DFFB: variants seen among roughly 807,000 people sequenced by gnomAD.
DFFB encodes DNA fragmentation factor 40 kDa subunit.
A neutral mutation model predicts 32.7 loss-of-function variants in DFFB; 29 were observed. The ratio of observed to expected loss-of-function variants is 0.89; its 90% confidence interval spans 0.66 to 1.21. The LOEUF (loss-of-function observed/expected upper bound fraction) is 1.21. Ranked by LOEUF, DFFB falls within the 50% of genes most tolerant of loss-of-function variation. The probability of loss-of-function intolerance (pLI) is 0.00; values close to 1 mark genes in which losing one functional copy is unlikely to be tolerated. For synonymous variants in DFFB, 170 were observed against 177.1 expected, an observed-to-expected ratio of 0.96 and a Z score of 0.32; for missense variants, 398 against 440.6, an observed-to-expected ratio of 0.90 and a Z score of 0.87.
At chr1:3,859,264 A>G (rs1403065365) in intron 2 of DFFB, among the ~76,000 whole-genome samples, 2 of 150,952 alleles carry the variant, frequency 1.3e-5, no homozygotes, top group Non-Finnish European at 3.0e-5. Flanking sequence ...ATGCTCTCAC[A>G]TTGTTCTCGG....
chr1:3,864,476 G>A (rs572569098), intron 2 of DFFB, among the ~76,000 whole-genome samples: 1 of 152,178 alleles, frequency 6.6e-6, no homozygotes, highest in African/African-American at 2.4e-5. Context: ...GTGATGTCTC[G>A]TTGTGCCCTT....
chr1:3,866,191 T>G (rs1231798828), intron 3 of DFFB, 191 bp downstream of exon 3: 1 of 688,906 alleles, frequency 1.5e-6, no homozygotes, highest in Non-Finnish European at 2.6e-6. Flanking sequence ...CAGCAAGGAC[T>G]CAGGTGGGGC....
At chr1:3,878,750 C>A (rs561573825) in intron 6 of DFFB, among the ~76,000 whole-genome samples, 2 of 152,316 alleles carry the variant, frequency 1.3e-5, no homozygotes, top group Admixed American at 1.3e-4. Context: ...CGTGTCTCAC[C>A]TTATTTTAAT....
At chr1:3,877,111 G>A (rs551520088) in intron 6 of DFFB, among the ~76,000 whole-genome samples, 1 of 152,250 alleles carries the variant, frequency 6.6e-6, no homozygotes, top group Non-Finnish European at 1.5e-5. Flanking sequence ...GAGCCCTGCC[G>A]CTGGGGAACT....
At chr1:3,857,769 A>T in intron 1 of DFFB, 52 bp downstream of exon 1, 13 of 1,257,514 alleles carry the variant, frequency 1.0e-5, no homozygotes, top group Non-Finnish European at 1.4e-5. Context: ...TGTGGGGAGA[A>T]TAGGAGGTGC....
Position 3,869,659 on chromosome 1 carries a change from G to A in DFFB, c.565G>A (p.Val189Ile). The change falls in exon 5 of 7, where the codon GTC becomes ATC. Residue 189 changes from valine (V) to isoleucine (I), a missense_variant. Transcript: ENST00000378209. ...GAEAQEEFLRVLGSMCQRLRS... is the reference protein window; with the variant it reads ...GAEAQEEFLRILGSMCQRLRS... Reference sequence around the variant, plus strand: ...GGAGGCTCAGGAGGAATTCCTGCGGGTCCTCGGCTCCATGTGCCAGAGGCT... The same window carrying A: ...GGAGGCTCAGGAGGAATTCCTGCGGATCCTCGGCTCCATGTGCCAGAGGCT... The A allele has an allele frequency of 1.2e-6, 2 of 1,613,524 alleles. No individual in the cohort carries two copies. Among genetic ancestry groups the A allele is most frequent in the Non-Finnish European group, 1.7e-6 (2 of 1,179,832 alleles).
chr1:3,866,421 A>C, intron 3 of DFFB: 1 of 237,468 alleles, frequency 4.2e-6, no homozygotes, highest in Non-Finnish European at 8.6e-6. Flanking sequence ...ACGCCCTGCC[A>C]ATTTTTGTAT....
At chr1:3,867,652 A>G in intron 3 of DFFB, 1 of 270,984 alleles carries the variant, frequency 3.7e-6, no homozygotes, top group Non-Finnish European at 7.2e-6. Flanking sequence ...CTGGAGTTCA[A>G]GATCAGCCTA....
chr1:3,881,049 G>C (rs534585190), intron 6 of DFFB, among the ~76,000 whole-genome samples: 2 of 152,156 alleles, frequency 1.3e-5, no homozygotes, highest in African/African-American at 4.8e-5. Flanking sequence ...CTCTCCCCAC[G>C]CTGAATTCAG....
At chr1:3,883,004 CTTT>C (rs200251035) in intron 6 of DFFB, among the ~76,000 whole-genome samples, 38,318 of 140,108 alleles carry the variant, frequency 0.27, 5,552 homozygotes, top group Non-Finnish European at 0.35. Flanking sequence ...TGACACGAGT[CTTT>C]TTTTTTTTTT....
Position 3,884,315 on chromosome 1 carries a change from C to A in DFFB, c.*574C>A, listed in dbSNP as rs1638294885. Reference sequence around the variant, plus strand: ...ATTGTCTCTGGGCTGAGGAATTCTTCTGTTCTCTGGTTTCACCAGCGTTGG... The same window carrying A: ...ATTGTCTCTGGGCTGAGGAATTCTTATGTTCTCTGGTTTCACCAGCGTTGG... On this transcript the variant is annotated 3_prime_UTR_variant, in exon 7 of 7. Transcript: ENST00000378209. The A allele has an allele frequency of 6.4e-6, 1 of 155,044 alleles. No homozygotes were observed. Among genetic ancestry groups the A allele is most frequent in the South Asian group, 2.0e-4 (1 of 5,048 alleles). The allele number at this position is 155,044 out of a possible 1,614,324, so 9.6% of individuals were successfully genotyped here.
At chr1:3,880,156 C>A (rs977651563) in intron 6 of DFFB, among the ~76,000 whole-genome samples, 6 of 152,166 alleles carry the variant, frequency 3.9e-5, no homozygotes, top group Non-Finnish European at 5.9e-5. Context: ...CATGGGCCAT[C>A]AGCCATGTCT....
At chr1:3,868,920 T>C (rs1390450204) in intron 4 of DFFB, among the ~76,000 whole-genome samples, 1 of 152,250 alleles carries the variant, frequency 6.6e-6, no homozygotes, top group Non-Finnish European at 1.5e-5. Flanking sequence ...CTTGCCATGT[T>C]CCCTTGCATT....
chr1:3,873,847 A>T (rs1389042410), intron 6 of DFFB, among the ~76,000 whole-genome samples: 1 of 152,144 alleles, frequency 6.6e-6, no homozygotes, highest in Admixed American at 6.5e-5. Context: ...TCCTAAAAAA[A>T]TCCCAAATCC....
chr1:3,867,824 G>A (rs775504741), intron 3 of DFFB, 150 bp from the exon 4 acceptor site: 1 of 718,602 alleles, frequency 1.4e-6, no homozygotes, highest in South Asian at 1.7e-5. Context: ...CTGTACTCCA[G>A]CCTGGAGGAC....
At chr1:3,864,726 C>CT (rs200006499) in intron 2 of DFFB, among the ~76,000 whole-genome samples, 33 of 146,444 alleles carry the variant, frequency 2.3e-4, no homozygotes, top group African/African-American at 4.0e-4. Context: ...GGGGGTCTTG[C>CT]TTTTTTTTTT....
At chr1:3,874,092 C>T (rs1347718515) in intron 6 of DFFB, among the ~76,000 whole-genome samples, 1 of 152,132 alleles carries the variant, frequency 6.6e-6, no homozygotes, top group African/African-American at 2.4e-5. Context: ...CATGTACATA[C>T]ATGGTGGCCC....
chr1:3,868,598 TACCACACCATACCAG>T (rs1645031940), intron 4 of DFFB, among the ~76,000 whole-genome samples: 1 of 1,314 alleles, frequency 7.6e-4, no homozygotes, highest in Admixed American at 9.4e-3. Flanking sequence ...CGCTACACCA[TACCACACCATACCAG>T]ACCACACCAC....
chr1:3,880,390 C>T (rs1398288450), intron 6 of DFFB, among the ~76,000 whole-genome samples: 1 of 152,206 alleles, frequency 6.6e-6, no homozygotes, highest in African/African-American at 2.4e-5. Context: ...AAACGATAAC[C>T]TTGAGTCCAA....
Sources: allele counts gnomAD v4.1 joint callset (sites outside exome capture counted in the v4.1 genomes callset), GRCh38; gene constraint gnomAD v4.1.1; transcripts MANE v1.5; gene names NCBI Gene and HGNC (gene_info 2026-07-23, HGNC 2026-07-21).